ZRANB3: variants seen among roughly 807,000 people sequenced by gnomAD.
ZRANB3 encodes the protein DNA annealing helicase and endonuclease ZRANB3.
In ZRANB3, 125 loss-of-function variants were observed where a neutral mutation model predicts 133.8. The ratio of observed to expected loss-of-function variants is 0.93; its 90% CI spans 0.81 to 1.08. The LOEUF is 1.08. ZRANB3 is among the 50% of genes least tolerant of loss of function. The pLI is 0.00. For synonymous variants in ZRANB3, 387 were observed against 432.7 expected, an observed-to-expected ratio of 0.89 and a Z score of 1.31; for missense variants, 1,229 against 1,275.5, an observed-to-expected ratio of 0.96 and a Z score of 0.56.
At position 135,208,978 on chromosome 2, in the gene ZRANB3, T is replaced by G. The variant is rs955236293; in HGVS notation, c.2496A>C (p.Arg832Ser). ...CGGCAACATCTTCTTTGGTTATGTATCTAAAACAATGATATGTTAAATAGA... is the reference window on the plus strand; with the variant it reads ...CGGCAACATCTTCTTTGGTTATGTAGCTAAAACAATGATATGTTAAATAGA... ...KQQTKQNCTK[R>S]YITKEDVAVA... Residue 832 changes from arginine to serine, a missense_variant and splice_region_variant, in exon 18 of 21, where the codon AGA becomes AGC. By Grantham distance (110) the Arg-to-Ser change is moderately radical (BLOSUM62 -1). Coordinates refer to ENST00000264159, the MANE Select transcript of ZRANB3 (RefSeq NM_032143.4). The G allele has an allele frequency of 6.2e-7, 1 of 1,612,988 alleles. No homozygotes were observed.
chr2:135,218,241 C>T (rs1488254827), intron 16 of ZRANB3, among the ~76,000 whole-genome samples: 1 of 151,968 alleles, frequency 6.6e-6, no homozygotes, highest in East Asian at 1.9e-4. Context: ...AAGTACATAC[C>T]CTAGCTGGGG....
chr2:135,401,487 G>A (rs1008205143), intron 2 of ZRANB3, among the ~76,000 whole-genome samples: 7 of 152,116 alleles, frequency 4.6e-5, no homozygotes, highest in Admixed American at 6.5e-5. Flanking sequence ...ACACCCTGTC[G>A]GTGGGGGGCC....
rs1258845324 is a variant in ZRANB3, at chr2:135,313,608, A to G, written c.850-3T>C. The G allele has an allele frequency of 6.3e-7, 1 of 1,592,784 alleles. No individual in the cohort carries two copies. The highest frequency in any genetic ancestry group is 2.2e-5 in the East Asian group (1 of 44,744). ...TCTTCAAAGCTGGTATTCAATTCCT[A>G]TGTGGGAAAAAATAACACTGTTTAT... On this transcript the variant is annotated splice_region_variant and splice_polypyrimidine_tract_variant and intron_variant, in intron 7 of 20. Coordinates refer to ENST00000264159, the MANE Select transcript of ZRANB3 (RefSeq NM_032143.4).
chr2:135,438,778 G>C (rs1437194268), intron 2 of ZRANB3, among the ~76,000 whole-genome samples: 2 of 152,066 alleles, frequency 1.3e-5, no homozygotes, highest in Non-Finnish European at 2.9e-5. Context: ...ATCTCAATCT[G>C]ACTAAAAAAA....
At chr2:135,404,162 G>A (rs1482726672) in intron 2 of ZRANB3, among the ~76,000 whole-genome samples, 1 of 152,136 alleles carries the variant, frequency 6.6e-6, no homozygotes, top group South Asian at 2.1e-4. Context: ...CTGAGGTAAA[G>A]GAGGAAGTTC....
intron 8 of ZRANB3, among the ~76,000 whole-genome samples, chr2:135,289,194 T>C (rs1386601774): frequency 1.3e-5 from 2 of 152,176 alleles, no homozygotes; most frequent in African/African-American, 2.4e-5. Context: ...TCAGTGATCA[T>C]TCAGGAACAG....
intron 6 of ZRANB3, among the ~76,000 whole-genome samples, chr2:135,340,350 C>T (rs1402870317): frequency 6.6e-6 from 1 of 151,904 alleles, no homozygotes; most frequent in African/African-American, 2.4e-5. Context: ...AGGTGATCTA[C>T]CTGGCTTGGC....
intron 2 of ZRANB3, among the ~76,000 whole-genome samples, chr2:135,484,422 T>C (rs551374033): frequency 6.6e-6 from 1 of 152,172 alleles, no homozygotes; most frequent in Non-Finnish European, 1.5e-5. Context: ...CTGTATACTA[T>C]AAATTTCATG....
At chr2:135,427,331 A>T (rs1293383056) in intron 2 of ZRANB3, among the ~76,000 whole-genome samples, 2 of 152,128 alleles carry the variant, frequency 1.3e-5, no homozygotes, top group Non-Finnish European at 2.9e-5. Flanking sequence ...TCTCTCCCAA[A>T]AGCTCCTAGA....
intron 2 of ZRANB3, among the ~76,000 whole-genome samples, chr2:135,394,898 C>T (rs1687409007): frequency 7.2e-6 from 1 of 138,672 alleles, no homozygotes; most frequent in African/African-American, 2.7e-5. Flanking sequence ...GGCAGGATTG[C>T]TTGAACGCAG....
chr2:135,355,360 C>CTTT (rs759038417), intron 3 of ZRANB3: 46 of 373,022 alleles, frequency 1.2e-4, no homozygotes, highest in Non-Finnish European at 1.4e-4. Context: ...AATCACAGAT[C>CTTT]TTTTTTTTTT....
At chr2:135,346,545 T>C (rs888071987) in intron 5 of ZRANB3, among the ~76,000 whole-genome samples, 2 of 152,182 alleles carry the variant, frequency 1.3e-5, no homozygotes, top group Non-Finnish European at 2.9e-5. Context: ...CATTCATTCA[T>C]CCATCCATTT....
chr2:135,236,203 A>G (rs373014934), intron 12 of ZRANB3, among the ~76,000 whole-genome samples: 23 of 152,338 alleles, frequency 1.5e-4, no homozygotes, highest in African/African-American at 5.5e-4. Context: ...TTCAAAGAGA[A>G]TAAAATACCT....
chr2:135,393,473 T>C (rs1687338527), intron 2 of ZRANB3, among the ~76,000 whole-genome samples: 1 of 151,670 alleles, frequency 6.6e-6, no homozygotes, highest in African/African-American at 2.4e-5. Flanking sequence ...ATGGAAATAC[T>C]GAAGGAATAG....
chr2:135,286,614 A>C (rs1160288797), intron 8 of ZRANB3, among the ~76,000 whole-genome samples: 1 of 152,138 alleles, frequency 6.6e-6, no homozygotes, highest in East Asian at 1.9e-4. Flanking sequence ...CCATTCTTAC[A>C]GGAATAAGGT....
intron 6 of ZRANB3, among the ~76,000 whole-genome samples, chr2:135,337,373 G>GA (rs1207835462): frequency 5.9e-5 from 9 of 152,128 alleles, no homozygotes; most frequent in Non-Finnish European, 1.3e-4. Flanking sequence ...ATCCATCAGG[G>GA]AAAAAGGATA....
chr2:135,272,031 G>T (rs1573802203), intron 9 of ZRANB3, 144 bp from the exon 10 acceptor site: 3 of 903,170 alleles, frequency 3.3e-6, no homozygotes, highest in South Asian at 6.0e-5. Context: ...TATACAAGAA[G>T]AATCTTAACC....
Position 135,275,708 on chromosome 2 carries a change from C to A in ZRANB3, c.1014G>T (p.Ser338=). The A allele has an allele frequency of 6.2e-7, 1 of 1,605,156 alleles. No homozygotes were observed. The highest frequency in any genetic ancestry group is 8.5e-7 in the Non-Finnish European group (1 of 1,175,004). ...GGTGAGCAAAAACCAGAAATTTAAGCGAATCATTCTGAAGCATCATCTTAA... is the reference window on the plus strand; with the variant it reads ...GGTGAGCAAAAACCAGAAATTTAAGAGAATCATTCTGAAGCATCATCTTAA... ...DYIKMMLQND[S]LKFLVFAHHL... is the part of the protein sequence containing the mutation. Residue 338 remains serine, a synonymous_variant, in exon 9 of 21, where the codon TCG becomes TCT. Coordinates refer to ENST00000264159, the MANE Select transcript of ZRANB3 (RefSeq NM_032143.4).
intron 19 of ZRANB3, among the ~76,000 whole-genome samples, chr2:135,203,514 G>A (rs989701035): frequency 1.3e-5 from 2 of 151,148 alleles, no homozygotes; most frequent in Non-Finnish European, 2.9e-5. Context: ...AGCTACTGCG[G>A]AGGCTGAGGC....
Sources: allele counts gnomAD v4.1 joint callset (sites outside exome capture counted in the v4.1 genomes callset), GRCh38; gene constraint gnomAD v4.1.1; transcripts MANE v1.5; gene names NCBI Gene and HGNC (gene_info 2026-07-23, HGNC 2026-07-21).